NTRK1: variants seen among roughly 807,000 people sequenced by gnomAD.
NTRK1 encodes neurotrophic receptor tyrosine kinase 1.
In NTRK1, 62 loss-of-function variants were observed where a neutral mutation model predicts 86.8. That is an observed-to-expected ratio of 0.71 (90% CI 0.58 to 0.88). The LOEUF (loss-of-function observed/expected upper bound fraction) is 0.88. NTRK1 is among the 40% of genes least tolerant of loss of function. The pLI is 0.00. For missense variants in NTRK1, 967 were observed against 1,078.4 expected, an observed-to-expected ratio of 0.90 and a Z score of 1.45; for synonymous variants, 469 against 456.6, an observed-to-expected ratio of 1.03 and a Z score of -0.35.
intron 2 of NTRK1, among the ~76,000 whole-genome samples, chr1:156,843,811 C>T (rs1303158198): frequency 6.6e-6 from 1 of 152,226 alleles, no homozygotes; most frequent in Non-Finnish European, 1.5e-5. Context: ...GGAACACATC[C>T]CCAGGCCTCC....
At chr1:156,858,520 C>T, upstream of NTRK1, 1 of 1,608,108 alleles carries the variant, frequency 6.2e-7, no homozygotes, top group Non-Finnish European at 8.5e-7. Context: ...GTCTGGGAGC[C>T]AGTTCTGGGG....
At chr1:156,876,284 G>A (rs548169560) in intron 13 of NTRK1, 74 bp downstream of exon 13, 38 of 1,610,144 alleles carry the variant, frequency 2.4e-5, no homozygotes, top group African/African-American at 6.7e-5. Context: ...AGGACAGAGT[G>A]GGGGGAGATG....
chr1:156,850,253 C>G (rs1655154544), intron 2 of NTRK1, among the ~76,000 whole-genome samples: 1 of 152,014 alleles, frequency 6.6e-6, no homozygotes, highest in Admixed American at 6.6e-5. Context: ...CCTCTGTCAC[C>G]CAGGCTGCAG....
chr1:156,871,487 C>T (rs556017905), intron 6 of NTRK1, 136 bp from the exon 7 acceptor site: 2 of 862,190 alleles, frequency 2.3e-6, no homozygotes, highest in Non-Finnish European at 3.7e-6. Flanking sequence ...TTCTCTCCCA[C>T]CCCTCTCTCC....
rs181191720 is a variant in NTRK1 at position 156,823,933 on chromosome 1, G to A, written c.-64+8095G>A. On this transcript the variant is annotated intron_variant, in intron 1 of 16. Coordinates refer to the NTRK1 transcript ENST00000392302. ...ATGCTCTTTGGTGGGCATAATTTGC[G>A]TCCCAAAGATCTGCACCCTGTGTGC... 6.0e-4 allele frequency among the ~76,000 whole-genome samples: 91 copies of A among 152,228 alleles called. No homozygotes were observed. In the East Asian group the frequency reaches 0.014, roughly 24 times the overall value.
chr1:156,873,720 T>A lies in NTRK1; in HGVS notation c.938T>A (p.Leu313Gln), dbSNP rs2102905143. 1 of 1,612,740 alleles carries A rather than the reference T, an allele frequency of 6.2e-7. No homozygotes were observed. Among genetic ancestry groups the A allele is most frequent in the Non-Finnish European group, 8.5e-7 (1 of 1,179,592 alleles). ...GTGGATGGGCAGCCGGCACCGTCTC[T>A]GCGCTGGCTCTTCAATGGCTCCGTG... ...FSVDGQPAPS[L>Q]RWLFNGSVLN... The change falls in exon 8 of 17, where the codon CTG (leucine) becomes CAG (glutamine). Residue 313 changes from leucine (L) to glutamine (Q), a missense_variant. By Grantham distance (113) the Leu-to-Gln change is moderately radical. Coordinates refer to ENST00000524377, the MANE Select transcript of NTRK1 (RefSeq NM_002529.4).
intron 1 of NTRK1, chr1:156,816,863 T>C: frequency 1.7e-6 from 1 of 605,320 alleles, no homozygotes. Context: ...AGGACTCACG[T>C]CATGGAAAGC....
At chr1:156,857,159 GTGTA>G (rs1270787768), upstream of NTRK1, among the ~76,000 whole-genome samples, 1,067 of 126,478 alleles carry the variant, frequency 8.4e-3, 5 homozygotes, top group South Asian at 0.025. Flanking sequence ...CCCAGCAGCT[GTGTA>G]TGTGTGTGTG....
chr1:156,876,337 C>G (rs2102918689), intron 13 of NTRK1, 63 bp from the exon 14 acceptor site: 1 of 1,611,374 alleles, frequency 6.2e-7, no homozygotes, highest in Non-Finnish European at 8.5e-7. Context: ...GCGGGCTGCC[C>G]TGGGTGAACA....
At chr1:156,822,736 G>A (rs1372075737) in intron 1 of NTRK1, among the ~76,000 whole-genome samples, 1 of 151,546 alleles carries the variant, frequency 6.6e-6, no homozygotes, top group African/African-American at 2.4e-5. Flanking sequence ...CATCTAGTTT[G>A]AGTTGTTTTC....
chr1:156,844,067 T>G, intron 2 of NTRK1: 1 of 775,620 alleles, frequency 1.3e-6, no homozygotes, highest in Non-Finnish European at 2.2e-6. Context: ...AGTTACTGCC[T>G]GTATGGAAGA....
chr1:156,849,544 AG>A, intron 2 of NTRK1: 1 of 1,085,146 alleles, frequency 9.2e-7, no homozygotes, highest in Admixed American at 2.0e-5. Context: ...TCCTCCTGGA[AG>A]GGTTTTGCTG....
At position 156,880,294 on chromosome 1, in the gene NTRK1, C is replaced by T. The variant is rs1648183103; in HGVS notation, c.2205+137C>T. On this transcript the variant is annotated intron_variant, in intron 16 of 16. Coordinates refer to ENST00000524377, the MANE Select transcript of NTRK1 (RefSeq NM_002529.4). ...GGGGCCCTTTCCAGCGCCGTGCCCA[C>T]ACTGTGTCCCCTCCACTGTGGCCCT... 4.7e-6 allele frequency: 4 copies of T among 848,442 alleles called. No individual in the cohort carries two copies. In the African/African-American group the frequency reaches 5.0e-5, roughly 11 times the overall value. The allele number at this position is 848,442 out of a possible 1,614,324, so 52.6% of individuals were successfully genotyped here. A position where few individuals can be genotyped will look rare whatever the true frequency, so the allele number is the denominator to read the frequency against.
chr1:156,845,285 C>T (rs554654119), intron 2 of NTRK1: 3 of 1,612,694 alleles, frequency 1.9e-6, no homozygotes, highest in African/African-American at 1.3e-5. Context: ...CCGGCGGTGC[C>T]GCCCTGAGTC....
At chr1:156,844,052 G>T in intron 2 of NTRK1, 5 of 696,934 alleles carry the variant, frequency 7.2e-6, no homozygotes, top group South Asian at 7.1e-5. Flanking sequence ...CCACCGCAGG[G>T]GAAGAGTTAC....
intron 1 of NTRK1, chr1:156,841,917 G>A: frequency 6.4e-6 from 10 of 1,565,912 alleles, no homozygotes; most frequent in Non-Finnish European, 7.9e-6. Flanking sequence ...CTGGAAAGTA[G>A]GGGCTCAATG....
Position 156,861,709 on chromosome 1 carries a change from C to G in NTRK1, c.212+563C>G, listed in dbSNP as rs370133795. Among the ~76,000 whole-genome samples the G allele has an allele frequency of 1.6e-3, 249 of 152,260 alleles. 2 individuals are homozygous for G. Among genetic ancestry groups the G allele is most frequent in the African/African-American group, 5.7e-3 (237 of 41,542 alleles). On this transcript the variant is annotated intron_variant, in intron 1 of 16. Transcript: ENST00000524377. Reference sequence around the variant, plus strand: ...ATTTTTACCATTCCTTCCCCCAGAACCCGTTGATTTGGATCTGGGAAATGG... The same window carrying G: ...ATTTTTACCATTCCTTCCCCCAGAAGCCGTTGATTTGGATCTGGGAAATGG...
At chr1:156,874,739 C>T (rs1477290911) in intron 10 of NTRK1, 113 bp downstream of exon 10, 1 of 1,286,058 alleles carries the variant, frequency 7.8e-7, no homozygotes, top group South Asian at 1.2e-5. Flanking sequence ...CTGGCCTGAG[C>T]TCTGACGGCC....
chr1:156,841,176 G>C, intron 1 of NTRK1: 1 of 1,229,432 alleles, frequency 8.1e-7, no homozygotes, highest in Non-Finnish European at 1.2e-6. Flanking sequence ...CTGCACTGAG[G>C]GTCAGTTGGT....
Sources: gnomAD v4.1 joint callset for allele counts (sites outside exome capture counted in the v4.1 genomes callset) on GRCh38, gnomAD v4.1.1 for gene constraint, MANE v1.5 for transcripts, NCBI Gene and HGNC (gene_info 2026-07-23, HGNC 2026-07-21) for gene names.